The following CHST8 variants were observed in gnomAD, a reference collection of about 807,000 sequenced individuals.
The protein encoded by CHST8 is carbohydrate sulfotransferase 8.
Under a neutral mutation model 15.0 loss-of-function variants are expected in CHST8, and 10 were observed. The observed-to-expected ratio is 0.67, with a 90% confidence interval of 0.41 to 1.13. The LOEUF is 1.13. Ranked by LOEUF, CHST8 falls within the 50% of genes most tolerant of loss-of-function variation. CHST8 has a pLI of 0.00. For synonymous variants in CHST8, 259 were observed against 256.6 expected (o/e 1.01, Z -0.09); for missense variants, 634 against 608.2 (o/e 1.04, Z -0.45).
intron 2 of CHST8, among the ~76,000 whole-genome samples, chr19:33,685,857 C>T (rs978541883): frequency 4.6e-5 from 7 of 152,180 alleles, no homozygotes; most frequent in African/African-American, 1.7e-4. Context: ...TTCTACACCC[C>T]CTGGAATGCC....
At chr19:33,730,684 T>C (rs1455763151) in intron 3 of CHST8, among the ~76,000 whole-genome samples, 3 of 152,178 alleles carry the variant, frequency 2.0e-5, no homozygotes, top group Non-Finnish European at 4.4e-5. Context: ...ACTAATAAGA[T>C]AGATGTATGT....
chr19:33,750,852 C>T (rs1159633490), intron 3 of CHST8, among the ~76,000 whole-genome samples: 1 of 151,928 alleles, frequency 6.6e-6, no homozygotes, highest in Non-Finnish European at 1.5e-5. Flanking sequence ...TCTCCAGGCT[C>T]GGTCCAGGCT....
At chr19:33,643,855 C>T (rs1972315671) in intron 1 of CHST8, among the ~76,000 whole-genome samples, 1 of 152,192 alleles carries the variant, frequency 6.6e-6, no homozygotes. Flanking sequence ...TAGTGTTTCA[C>T]TTACACATAA....
chr19:33,688,450 T>A (rs1973028673), intron 2 of CHST8, among the ~76,000 whole-genome samples: 1 of 152,154 alleles, frequency 6.6e-6, no homozygotes, highest in African/African-American at 2.4e-5. Flanking sequence ...TTGGAGTCTG[T>A]TGGACACAGG....
intron 3 of CHST8, among the ~76,000 whole-genome samples, chr19:33,755,351 T>G (rs944893964): frequency 6.6e-6 from 1 of 152,364 alleles, no homozygotes; most frequent in Admixed American, 6.5e-5. Flanking sequence ...GCATCCCCCA[T>G]GTGATTTATT....
At chr19:33,642,893 T>A (rs544906301) in intron 1 of CHST8, among the ~76,000 whole-genome samples, 117 of 152,358 alleles carry the variant, frequency 7.7e-4, no homozygotes, top group Non-Finnish European at 1.4e-3. Flanking sequence ...TCACTTTGCA[T>A]ATCATGAATT....
In CHST8 at chr19:33,772,726, A is replaced by G. The variant is rs1224097951; in HGVS notation, c.938A>G (p.Gln313Arg). Residue 313 changes from glutamine to arginine, a missense_variant, in exon 5 of 5, where the codon CAG becomes CGG. Transcript: ENST00000650847. ...GSGVRFPEFVQYLLDVHRPVG... is the reference protein window; with the variant it reads ...GSGVRFPEFVRYLLDVHRPVG... ...GGGGTGCGTTTTCCCGAGTTCGTCC[A>G]GTACCTGCTGGACGTGCACCGGCCC... 2 of 1,613,418 alleles carry G rather than the reference A, an allele frequency of 1.2e-6. No homozygotes were observed. The highest frequency in any genetic ancestry group is 1.7e-6 in the Non-Finnish European group (2 of 1,179,972).
intron 1 of CHST8, among the ~76,000 whole-genome samples, chr19:33,645,025 G>A (rs1441066992): frequency 6.6e-6 from 1 of 152,172 alleles, no homozygotes; most frequent in African/African-American, 2.4e-5. Context: ...CCTGGCATCT[G>A]GTGGCTACAG....
At chr19:33,671,547 G>A (rs913261818) in intron 2 of CHST8, among the ~76,000 whole-genome samples, 1 of 152,040 alleles carries the variant, frequency 6.6e-6, no homozygotes, top group African/African-American at 2.4e-5. Context: ...ATCTTCTTTC[G>A]TGCTTCTTTA....
chr19:33,627,731 C>T (rs1972073658), intron 1 of CHST8, among the ~76,000 whole-genome samples: 1 of 152,110 alleles, frequency 6.6e-6, no homozygotes, highest in South Asian at 2.1e-4. Flanking sequence ...ATTCTCAGTC[C>T]CACACTCCTG....
chr19:33,624,753 T>A (rs1369544881), intron 1 of CHST8, among the ~76,000 whole-genome samples: 2 of 152,074 alleles, frequency 1.3e-5, no homozygotes, highest in African/African-American at 2.4e-5. Context: ...CTGATAGGCT[T>A]TTTGTGGTTT....
At chr19:33,654,254 C>T (rs1972482505) in intron 1 of CHST8, among the ~76,000 whole-genome samples, 1 of 152,082 alleles carries the variant, frequency 6.6e-6, no homozygotes, top group African/African-American at 2.4e-5. Flanking sequence ...TATTATTTTA[C>T]TCATTTTATA....
chr19:33,648,449 C>G (rs1357745673), intron 1 of CHST8, among the ~76,000 whole-genome samples: 1 of 152,166 alleles, frequency 6.6e-6, no homozygotes, highest in African/African-American at 2.4e-5. Flanking sequence ...ATACATTTGC[C>G]TATTCTGGAC....
chr19:33,636,835 A>G (rs538861842), intron 1 of CHST8, among the ~76,000 whole-genome samples: 2 of 152,170 alleles, frequency 1.3e-5, no homozygotes, highest in Non-Finnish European at 1.5e-5. Context: ...CGGGAGGCGA[A>G]GGTTGCAGTG....
intron 3 of CHST8, among the ~76,000 whole-genome samples, chr19:33,745,829 C>T (rs1448790900): frequency 6.9e-6 from 1 of 145,128 alleles, no homozygotes; most frequent in African/African-American, 2.5e-5. Flanking sequence ...GCTGAGACCA[C>T]TCTCTGGAGA....
At chr19:33,689,510 C>G (rs537265998) in intron 3 of CHST8, 119 bp downstream of exon 3, 1 of 1,214,282 alleles carries the variant, frequency 8.2e-7, no homozygotes, top group Admixed American at 2.8e-5. Context: ...TGTGCCAAGA[C>G]CCCCGGCAGG....
intron 1 of CHST8, among the ~76,000 whole-genome samples, chr19:33,654,073 G>A (rs184851402): frequency 2.4e-4 from 37 of 152,236 alleles, no homozygotes; most frequent in Admixed American, 2.2e-3. Context: ...GGGTGATTAT[G>A]TTAGATTCAC....
chr19:33,733,446 G>C (rs284680), intron 3 of CHST8, among the ~76,000 whole-genome samples: 63,221 of 151,856 alleles, frequency 0.42, 14,637 homozygotes, highest in East Asian at 0.89. Context: ...TGTTGGCCAA[G>C]CTGGTCTTGA....
intron 1 of CHST8, among the ~76,000 whole-genome samples, chr19:33,648,851 G>A (rs542293838): frequency 1.3e-5 from 2 of 149,484 alleles, no homozygotes; most frequent in African/African-American, 4.9e-5. Flanking sequence ...AATAATAAAT[G>A]TGTATATCTG....
Sources: gnomAD v4.1 joint callset for allele counts (sites outside exome capture counted in the v4.1 genomes callset) on GRCh38, gnomAD v4.1.1 for gene constraint, MANE v1.5 for transcripts, NCBI Gene and HGNC (gene_info 2026-07-23, HGNC 2026-07-21) for gene names.